The following EPHB1 variants were observed in gnomAD, a reference collection of about 807,000 sequenced individuals.
EPHB1 encodes EPH receptor B1.
A neutral mutation model predicts 94.4 loss-of-function variants in EPHB1; 30 were observed. The ratio of observed to expected loss-of-function variants is 0.32; its 90% CI spans 0.24 to 0.43. The LOEUF is 0.43. EPHB1 is among the 20% of genes least tolerant of loss of function. EPHB1 has a pLI of 1.00. For synonymous variants in EPHB1, 522 were observed against 489.1 expected (o/e 1.07, Z -0.89); for missense variants, 1,055 against 1,308.3 (o/e 0.81, Z 2.99).
chr3:135,105,996 C>A (rs930459201), intron 3 of EPHB1, among the ~76,000 whole-genome samples: 2 of 152,140 alleles, frequency 1.3e-5, no homozygotes, highest in African/African-American at 4.8e-5. Context: ...AACCGTGGGT[C>A]CAACATGTCA....
At chr3:134,803,147 G>A (rs1034379266) in intron 1 of EPHB1, among the ~76,000 whole-genome samples, 16 of 152,164 alleles carry the variant, frequency 1.1e-4, no homozygotes, top group African/African-American at 3.9e-4. Flanking sequence ...AAACACATAG[G>A]AGATTTTCTG....
intron 6 of EPHB1, among the ~76,000 whole-genome samples, chr3:135,155,253 G>T (rs933594736): frequency 5.9e-5 from 9 of 152,142 alleles, no homozygotes; most frequent in African/African-American, 2.2e-4. Flanking sequence ...GAAAGAGCAG[G>T]TTGCATAATT....
At chr3:134,797,479 C>G (rs116279528) in intron 1 of EPHB1, among the ~76,000 whole-genome samples, 7,376 of 152,272 alleles carry the variant, frequency 0.048, 445 homozygotes, top group African/African-American at 0.14. Flanking sequence ...GCTCTTTGCG[C>G]CCCCAGAGGT....
At chr3:134,946,224 T>C (rs560577252) in intron 2 of EPHB1, among the ~76,000 whole-genome samples, 9 of 152,364 alleles carry the variant, frequency 5.9e-5, no homozygotes, top group African/African-American at 1.9e-4. Flanking sequence ...GTCTCTGTAG[T>C]GCGTCAGAGA....
chr3:134,839,654 G>A (rs1450966446), intron 1 of EPHB1, among the ~76,000 whole-genome samples: 2 of 152,160 alleles, frequency 1.3e-5, no homozygotes. Context: ...TCTGACTGGA[G>A]TGAGAGAGGG....
chr3:134,799,041 T>C (rs2035886522), intron 1 of EPHB1, among the ~76,000 whole-genome samples: 1 of 152,208 alleles, frequency 6.6e-6, no homozygotes, highest in South Asian at 2.1e-4. Context: ...ATTTGAGTAG[T>C]AGATTTCTCA....
chr3:135,083,092 T>A (rs1398073941), intron 3 of EPHB1, among the ~76,000 whole-genome samples: 1 of 152,200 alleles, frequency 6.6e-6, no homozygotes, highest in Non-Finnish European at 1.5e-5. Flanking sequence ...GTCTTCCATT[T>A]GCCTGGAATT....
chr3:135,056,008 C>G (rs952152755), intron 3 of EPHB1, among the ~76,000 whole-genome samples: 6 of 152,186 alleles, frequency 3.9e-5, no homozygotes, highest in Non-Finnish European at 7.3e-5. Context: ...GCCCAGAACT[C>G]TTCCCTGACT....
chr3:135,256,755 C>T (rs1435375485), intron 15 of EPHB1, among the ~76,000 whole-genome samples: 4 of 152,154 alleles, frequency 2.6e-5, no homozygotes, highest in African/African-American at 9.6e-5. Context: ...TGAATCTGAA[C>T]GTTGGCCTGC....
chr3:134,826,426 T>C (rs1208916383), intron 1 of EPHB1, among the ~76,000 whole-genome samples: 1 of 152,164 alleles, frequency 6.6e-6, no homozygotes, highest in Non-Finnish European at 1.5e-5. Context: ...GATACGGGCC[T>C]CTCCTTAGCA....
intron 3 of EPHB1, among the ~76,000 whole-genome samples, chr3:135,100,707 A>G (rs1939004806): frequency 6.6e-6 from 1 of 152,126 alleles, no homozygotes; most frequent in South Asian, 2.1e-4. Context: ...GTGTCTCGAG[A>G]GTATGGTAAG....
intron 3 of EPHB1, among the ~76,000 whole-genome samples, chr3:135,059,173 G>T (rs552316085): frequency 1.8e-4 from 27 of 152,276 alleles, no homozygotes; most frequent in African/African-American, 5.5e-4. Context: ...TAAAACTGGG[G>T]AACTTATGTT....
At chr3:135,226,084 T>A (rs1262848976) in intron 12 of EPHB1, among the ~76,000 whole-genome samples, 2 of 152,114 alleles carry the variant, frequency 1.3e-5, no homozygotes, top group African/African-American at 4.8e-5. Flanking sequence ...CCAAGTGGGG[T>A]TTCTGTAGTG....
At chr3:135,106,652 G>T (rs756282848) in intron 4 of EPHB1, 49 bp downstream of exon 4, 19 of 1,605,288 alleles carry the variant, frequency 1.2e-5, no homozygotes, top group Middle Eastern at 3.3e-4. Flanking sequence ...TTCCCTGATG[G>T]TGCAAGTGGT....
intron 4 of EPHB1, among the ~76,000 whole-genome samples, chr3:135,117,656 C>T (rs897662682): frequency 6.6e-6 from 1 of 152,198 alleles, no homozygotes; most frequent in Non-Finnish European, 1.5e-5. Context: ...GTCAATCTGT[C>T]CCCCCTTCCC....
intron 3 of EPHB1, among the ~76,000 whole-genome samples, chr3:135,008,991 G>A (rs36064): frequency 0.7 from 106,417 of 152,152 alleles, 39,186 homozygotes; most frequent in African/African-American, 0.92. Flanking sequence ...TCACAGGGGC[G>A]TGGACTTATG....
At chr3:134,826,280 G>GTT (rs1167894115) in intron 1 of EPHB1, among the ~76,000 whole-genome samples, 3 of 147,908 alleles carry the variant, frequency 2.0e-5, no homozygotes, top group African/African-American at 2.5e-5. Context: ...AATTGAAAAT[G>GTT]TTTTTTAGAT....
At chr3:134,887,775 C>T (rs564016236) in intron 1 of EPHB1, among the ~76,000 whole-genome samples, 2 of 152,288 alleles carry the variant, frequency 1.3e-5, no homozygotes, top group East Asian at 3.9e-4. Flanking sequence ...GTATTTAGAG[C>T]TCCTTGTAAG....
At chr3:135,252,110 T>C (rs1933132665) in intron 15 of EPHB1, among the ~76,000 whole-genome samples, 1 of 151,990 alleles carries the variant, frequency 6.6e-6, no homozygotes, top group Non-Finnish European at 1.5e-5. Context: ...AAGTACTTGA[T>C]CCATTATCTA....
Sources: allele counts gnomAD v4.1 joint callset (sites outside exome capture counted in the v4.1 genomes callset), GRCh38; gene constraint gnomAD v4.1.1; transcripts MANE v1.5; gene names NCBI Gene and HGNC (gene_info 2026-07-23, HGNC 2026-07-21).